Variants in HMCN1 observed in about 807,000 individuals in gnomAD.
HMCN1 encodes hemicentin-1.
In HMCN1, 321 loss-of-function variants were observed where a neutral mutation model predicts 625.9. That is an observed-to-expected ratio of 0.51 (90% CI 0.47 to 0.56). The LOEUF is 0.56. Among genes scored for constraint, HMCN1 ranks in the 20% least tolerant of loss-of-function variants. The pLI is 0.00. For synonymous variants in HMCN1, 2,425 were observed against 2,417.6 expected (o/e 1.00, Z -0.09); for missense variants, 6,588 against 6,887.3 (o/e 0.96, Z 1.54).
At chr1:185,844,623 T>C (rs1232909445) in intron 1 of HMCN1, among the ~76,000 whole-genome samples, 1 of 152,204 alleles carries the variant, frequency 6.6e-6, no homozygotes, top group African/African-American at 2.4e-5. Flanking sequence ...GCATTGTAGT[T>C]GCACGTTATA....
chr1:185,860,858 C>CT (rs957606081), intron 2 of HMCN1, among the ~76,000 whole-genome samples: 54 of 150,984 alleles, frequency 3.6e-4, no homozygotes, highest in East Asian at 1.2e-3. Flanking sequence ...CACAAAGTGG[C>CT]TTTTTTTTTC....
intron 81 of HMCN1, among the ~76,000 whole-genome samples, chr1:186,124,552 C>CAAT (rs1366248694): frequency 7.2e-5 from 11 of 152,018 alleles, no homozygotes; most frequent in African/African-American, 2.2e-4. Context: ...TTACGATGTA[C>CAAT]CATTGAGCAA....
At chr1:186,150,527 T>C (rs1359838759) in intron 93 of HMCN1, among the ~76,000 whole-genome samples, 2 of 152,200 alleles carry the variant, frequency 1.3e-5, no homozygotes, top group Non-Finnish European at 2.9e-5. Flanking sequence ...TTTCAGTATA[T>C]TTGTAATATG....
In HMCN1 at chr1:186,144,189, C is replaced by A. The variant is rs372274735; in HGVS notation, c.13941C>A (p.Ser4647Arg). The A allele has an allele frequency of 3.7e-6, 6 of 1,606,558 alleles. No homozygotes were observed. The highest frequency in any genetic ancestry group is 2.2e-5 in the East Asian group (1 of 44,788). ...TGTTTGCAGTTCATGGAGCATGGAG[C>A]GCTTGGCAGCCTTGGGGAACATGCA... ...IRPCPVHGAW[S>R]AWQPWGTCSE... Residue 4647 changes from serine to arginine, a missense_variant, in exon 90 of 107, where the codon AGC (serine) becomes AGA (arginine). Physicochemically the swap from Ser to Arg is moderately radical, Grantham distance 110 (BLOSUM62 -1). Transcript: ENST00000271588.
At chr1:185,795,492 A>C (rs1658309523) in intron 1 of HMCN1, among the ~76,000 whole-genome samples, 1 of 152,176 alleles carries the variant, frequency 6.6e-6, no homozygotes, top group Non-Finnish European at 1.5e-5. Context: ...CCCTCATGCC[A>C]AGGATGCAAC....
At chr1:186,060,277 A>G (rs937573261) in intron 46 of HMCN1, among the ~76,000 whole-genome samples, 14 of 152,126 alleles carry the variant, frequency 9.2e-5, no homozygotes, top group African/African-American at 2.9e-4. Context: ...GAACATTTAC[A>G]TGAAAATTTC....
intron 1 of HMCN1, among the ~76,000 whole-genome samples, chr1:185,775,585 T>C (rs1656543534): frequency 6.6e-6 from 1 of 152,216 alleles, no homozygotes; most frequent in Admixed American, 6.5e-5. Context: ...GAACATACTT[T>C]GCAGGGAATC....
chr1:185,755,185 G>C (rs186949922), intron 1 of HMCN1, among the ~76,000 whole-genome samples: 3 of 152,286 alleles, frequency 2.0e-5, no homozygotes, highest in East Asian at 3.9e-4. Context: ...ACTATAATCT[G>C]TGTTTTTCTC....
intron 7 of HMCN1, 24 bp from the exon 8 acceptor site, chr1:185,923,366 G>C: frequency 6.3e-7 from 1 of 1,579,662 alleles, no homozygotes; most frequent in Non-Finnish European, 8.7e-7. Flanking sequence ...TCTTGTAAAT[G>C]ATAACAAAAT....
chr1:185,791,627 C>G (rs1349881879), intron 1 of HMCN1, among the ~76,000 whole-genome samples: 2 of 152,032 alleles, frequency 1.3e-5, no homozygotes, highest in Admixed American at 1.3e-4. Flanking sequence ...GAGGTGGAGG[C>G]AGGAGAATCA....
In HMCN1 at chr1:186,145,517, G is replaced by A. The variant is rs1650261332; in HGVS notation, c.14381G>A (p.Arg4794Lys). Residue 4794 changes from arginine (R) to lysine (K), a missense_variant, in exon 92 of 107, where the codon AGA becomes AAA. Coordinates refer to ENST00000271588, the MANE Select transcript of HMCN1 (RefSeq NM_031935.3). ...CDNPPPSNGG[R>K]ACGGPDSQIQ... ...AACCCTCCTCCCTCCAATGGGGGAA[G>A]AGCTTGTGGGGGACCAGACTCCCAG... 2 of 1,614,122 alleles carry A rather than the reference G, an allele frequency of 1.2e-6. No homozygotes were observed. Among genetic ancestry groups the A allele is most frequent in the East Asian group, 4.5e-5 (2 of 44,860 alleles).
At chr1:186,051,612 G>A (rs1347446606) in intron 42 of HMCN1, among the ~76,000 whole-genome samples, 1 of 152,032 alleles carries the variant, frequency 6.6e-6, no homozygotes, top group Non-Finnish European at 1.5e-5. Flanking sequence ...TTTTCTTCTG[G>A]AACTTTCAGT....
chr1:186,127,380 T>C lies in HMCN1; in HGVS notation c.12691-698T>C, dbSNP rs541245875. On this transcript the variant is annotated intron_variant, in intron 82 of 106. Coordinates refer to ENST00000271588, the MANE Select transcript of HMCN1 (RefSeq NM_031935.3). ...GCACTGTATGAGATCACCAAAAAAA[T>C]TGAGTACAGATATAGAAGAAAAGAG... Among the ~76,000 whole-genome samples, 14 of 152,068 alleles carry C rather than the reference T, an allele frequency of 9.2e-5. No individual in the cohort carries two copies. The South Asian group carries it at 2.1e-3, about 23-fold the overall frequency.
Position 186,003,703 on chromosome 1 carries a change from C to A in HMCN1, c.4349-15C>A. 3 of 1,612,712 alleles carry A rather than the reference C, an allele frequency of 1.9e-6. No individual in the cohort carries two copies. The highest frequency in any genetic ancestry group is 3.3e-4 in the Middle Eastern group (2 of 6,054). On this transcript the variant is annotated splice_polypyrimidine_tract_variant and intron_variant, in intron 28 of 106. Transcript: ENST00000271588. Reference sequence around the variant, plus strand: ...CTGAGTAACAGAGTTTCATAATACACTGTCTTTGTTCAAGTTCCACCCACC... The same window carrying A: ...CTGAGTAACAGAGTTTCATAATACAATGTCTTTGTTCAAGTTCCACCCACC...
In HMCN1 at chr1:185,883,878, GAT is replaced by G. The variant is rs1491322128; in HGVS notation, c.621+18016_621+18017del. On this transcript the variant is annotated intron_variant, in intron 4 of 106. Transcript: ENST00000271588. ...TAATCAATTAATAGATATAGGTCAT[GAT>G]TTTTTTTTTTTTTTTTTTTTTTTTT... is the stretch of plus-strand genomic sequence containing the variant. Among the ~76,000 whole-genome samples, 520 of 93,588 alleles carry G rather than the reference GAT, an allele frequency of 5.6e-3. 11 individuals carry two copies. The highest frequency in any genetic ancestry group is 0.023 in the African/African-American group (500 of 22,174). 61.4% of individuals were successfully genotyped at this position (93,588 alleles called of 152,430 possible).
In HMCN1 at chr1:186,137,776, T is replaced by G. The variant is rs140279146; in HGVS notation, c.13754-26T>G. 4.3e-6 allele frequency: 7 copies of G among 1,614,100 alleles called. No individual in the cohort carries two copies. The Admixed American group carries it at 5.0e-5, about 12-fold the overall frequency. On this transcript the variant is annotated intron_variant, in intron 88 of 106. Transcript: ENST00000271588. ...GTATTCCCAATTGAAATATACCTGA[T>G]GGTGTAATGGTTCACCTTTGTATAG...
intron 68 of HMCN1, among the ~76,000 whole-genome samples, chr1:186,100,182 G>C (rs1250752429): frequency 6.6e-6 from 1 of 152,016 alleles, no homozygotes; most frequent in Non-Finnish European, 1.5e-5. Context: ...TTAAAGAACA[G>C]CCTGCCTTTA....
chr1:185,779,202 T>C (rs1358085048), intron 1 of HMCN1, among the ~76,000 whole-genome samples: 24 of 152,340 alleles, frequency 1.6e-4, no homozygotes, highest in South Asian at 1.0e-3. Context: ...TGTTTGTTTT[T>C]TTCTTGTAAA....
chr1:185,786,811 A>T (rs1657602443), intron 1 of HMCN1, among the ~76,000 whole-genome samples: 1 of 152,128 alleles, frequency 6.6e-6, no homozygotes, highest in Non-Finnish European at 1.5e-5. Context: ...TAGTGGTCTA[A>T]TTTCCCATCT....
Sources: gnomAD v4.1 joint callset for allele counts (sites outside exome capture counted in the v4.1 genomes callset) on GRCh38, gnomAD v4.1.1 for gene constraint, MANE v1.5 for transcripts, NCBI Gene and HGNC (gene_info 2026-07-23, HGNC 2026-07-21) for gene names.